Variants in MAPKAPK5 observed in about 807,000 individuals in gnomAD.
The protein encoded by MAPKAPK5 is MAPK activated protein kinase 5.
Under a neutral mutation model 65.1 loss-of-function variants are expected in MAPKAPK5, and 30 were observed. The observed-to-expected ratio is 0.46, with a 90% confidence interval of 0.34 to 0.63. MAPKAPK5 has a LOEUF of 0.63. Ranked by LOEUF, MAPKAPK5 falls within the 20% of genes least tolerant of loss-of-function variation. MAPKAPK5 has a pLI of 0.01. For synonymous variants in MAPKAPK5, 179 were observed against 204.6 expected, an observed-to-expected ratio of 0.87 and a Z score of 1.07; for missense variants, 433 against 581.4, an observed-to-expected ratio of 0.74 and a Z score of 2.63.
rs981134005 is a variant in MAPKAPK5 at position 111,901,030 on chromosome 12, G to A, written c.*7969G>A. The A allele has an allele frequency of 1.5e-5, 7 of 455,942 alleles. No homozygotes were observed. The highest frequency in any genetic ancestry group is 3.1e-5 in the Non-Finnish European group (7 of 226,808). 28.2% of individuals were successfully genotyped at this position (455,942 alleles called of 1,614,324 possible). A position where few individuals can be genotyped will look rare whatever the true frequency, so the allele number is the denominator to read the frequency against. ...CGGTGTTCAGATGGTAATATATTTTGTGGGAAACTTATATGTTCAGGTATT... is the reference window on the plus strand; with the variant it reads ...CGGTGTTCAGATGGTAATATATTTTATGGGAAACTTATATGTTCAGGTATT... On this transcript the variant is annotated 3_prime_UTR_variant, in exon 14 of 14. Coordinates refer to ENST00000550735, the MANE Select transcript of MAPKAPK5 (RefSeq NM_003668.4).
At chr12:111,873,163 A>G (rs1006890142) in intron 7 of MAPKAPK5, among the ~76,000 whole-genome samples, 2 of 152,016 alleles carry the variant, frequency 1.3e-5, no homozygotes, top group Non-Finnish European at 2.9e-5. Flanking sequence ...TAGCTTTTAC[A>G]TTTGGGTCTG....
intron 1 of MAPKAPK5, among the ~76,000 whole-genome samples, chr12:111,860,897 C>T (rs889019197): frequency 1.5e-4 from 22 of 151,394 alleles, no homozygotes; most frequent in African/African-American, 5.1e-4. Flanking sequence ...CTTGTATTCA[C>T]AGCATGAAGT....
chr12:111,850,274 G>C (rs898240198), intron 1 of MAPKAPK5, among the ~76,000 whole-genome samples: 1 of 152,148 alleles, frequency 6.6e-6, no homozygotes, highest in Non-Finnish European at 1.5e-5. Context: ...TGATCTGCCT[G>C]CATCGGCCTC....
At chr12:111,851,279 G>T (rs146490665) in intron 1 of MAPKAPK5, among the ~76,000 whole-genome samples, 38 of 152,242 alleles carry the variant, frequency 2.5e-4, no homozygotes, top group African/African-American at 8.9e-4. Flanking sequence ...CTTTGAAGTG[G>T]TCTACTTGTC....
Position 111,898,838 on chromosome 12 carries a change from C to T in MAPKAPK5, c.*5777C>T, listed in dbSNP as rs568406072. The stretch of plus-strand genomic sequence containing the variant: ...GAGATCCCCAGAGAAGCCCTGCCCC[C>T]TTCCCCCCACCCCCTGACAGAATGT... On this transcript the variant is annotated 3_prime_UTR_variant, in exon 14 of 14. Transcript: ENST00000550735. The T allele has an allele frequency of 2.6e-5, 4 of 151,716 alleles. No individual in the cohort carries two copies. Among genetic ancestry groups the T allele is most frequent in the African/African-American group, 9.7e-5 (4 of 41,350 alleles). 9.4% of individuals were successfully genotyped at this position (151,716 alleles called of 1,614,324 possible). A position where few individuals can be genotyped will look rare whatever the true frequency, so the allele number is the denominator to read the frequency against.
intron 10 of MAPKAPK5, among the ~76,000 whole-genome samples, chr12:111,886,783 A>G (rs1006154442): frequency 1.3e-5 from 2 of 152,178 alleles, no homozygotes; most frequent in African/African-American, 4.8e-5. Flanking sequence ...TTGAGAAGAG[A>G]TTTGCCACTA....
At chr12:111,870,183 G>A in intron 5 of MAPKAPK5, 88 bp from the exon 6 acceptor site, 1 of 826,712 alleles carries the variant, frequency 1.2e-6, no homozygotes, top group East Asian at 2.7e-5. Context: ...ATGAAGGCTT[G>A]TTTTTTGACA....
intron 3 of MAPKAPK5, among the ~76,000 whole-genome samples, chr12:111,866,941 C>G (rs1181461377): frequency 6.6e-6 from 1 of 151,944 alleles, no homozygotes; most frequent in Non-Finnish European, 1.5e-5. Flanking sequence ...GTTTTTGTTT[C>G]TGTTTGAAAC....
intron 1 of MAPKAPK5, among the ~76,000 whole-genome samples, chr12:111,853,965 AT>A: frequency 6.6e-6 from 1 of 152,154 alleles, no homozygotes; most frequent in Non-Finnish European, 1.5e-5. Context: ...TTATTTTCAG[AT>A]ATTAAGCCAA....
chr12:111,847,137 T>A (rs1015018105), intron 1 of MAPKAPK5, among the ~76,000 whole-genome samples: 1 of 151,304 alleles, frequency 6.6e-6, no homozygotes, highest in Non-Finnish European at 1.5e-5. Context: ...AGGTCAGGAG[T>A]TTGAGACCAG....
intron 7 of MAPKAPK5, among the ~76,000 whole-genome samples, chr12:111,876,338 T>C (rs2069969268): frequency 6.6e-6 from 1 of 152,062 alleles, no homozygotes; most frequent in African/African-American, 2.4e-5. Flanking sequence ...ACTACCTATG[T>C]GGTATTATGC....
At chr12:111,861,362 ACT>A (rs1260992880) in intron 1 of MAPKAPK5, among the ~76,000 whole-genome samples, 1 of 151,064 alleles carries the variant, frequency 6.6e-6, no homozygotes, top group East Asian at 2.0e-4. Flanking sequence ...ATGGAGTCTC[ACT>A]CTGTCACAGG....
At chr12:111,877,353 A>G (rs542652268) in intron 7 of MAPKAPK5, among the ~76,000 whole-genome samples, 2 of 152,024 alleles carry the variant, frequency 1.3e-5, no homozygotes, top group East Asian at 3.9e-4. Flanking sequence ...TGGCCTACAA[A>G]TGACTCCATT....
rs768293125 is a variant in MAPKAPK5 at position 111,867,642 on chromosome 12, TC to T, written c.259del (p.Gln87SerfsTer13). ...ATTATTGAAGTGTTTGCTAACAGTG[TC>T]CAGTTTCCCCATGAGTCCAGCCCTA... ...VQIIEVFANS[V>X]QFPHESSPRA... On this transcript the variant is annotated frameshift_variant, in exon 4 of 14. Transcript: ENST00000550735. LOFTEE classifies it high-confidence loss of function. The T allele has an allele frequency of 6.2e-7, 1 of 1,613,892 alleles. No individual in the cohort carries two copies. Among genetic ancestry groups the T allele is most frequent in the South Asian group, 1.1e-5 (1 of 91,084 alleles).
chr12:111,854,452 G>C (rs775342342), intron 1 of MAPKAPK5, among the ~76,000 whole-genome samples: 2 of 152,196 alleles, frequency 1.3e-5, no homozygotes, highest in South Asian at 4.1e-4. Flanking sequence ...ATGTTGGCCA[G>C]ATGGTCTTGA....
Position 111,896,639 on chromosome 12 carries a change from T to C in MAPKAPK5, c.*3578T>C, listed in dbSNP as rs1475418611. 1.3e-5 allele frequency: 2 copies of C among 152,220 alleles called. No homozygotes were observed. Among genetic ancestry groups the C allele is most frequent in the Non-Finnish European group, 2.9e-5 (2 of 68,034 alleles). 9.4% of individuals were successfully genotyped at this position (152,220 alleles called of 1,614,324 possible). ...CATAACACTGTAAATATAATTCTTA[T>C]AAAGCAGCAGGTTATGCTCTCCTGT... is the stretch of plus-strand genomic sequence containing the variant. On this transcript the variant is annotated 3_prime_UTR_variant, in exon 14 of 14. Coordinates refer to ENST00000550735, the MANE Select transcript of MAPKAPK5 (RefSeq NM_003668.4).
chr12:111,849,724 C>G (rs544315145), intron 1 of MAPKAPK5, among the ~76,000 whole-genome samples: 1 of 151,412 alleles, frequency 6.6e-6, no homozygotes, highest in Admixed American at 6.6e-5. Context: ...TTTTCTTTTT[C>G]TTTTATTTTG....
chr12:111,888,916 G>A lies in MAPKAPK5; in HGVS notation c.1132G>A (p.Asp378Asn), dbSNP rs770615564. Reference sequence around the variant, plus strand: ...GCCAAAGGACAGTGTCTATATCCACGACCATGAGAATGGAGCCGAGGATTC... The same window carrying A: ...GCCAAAGGACAGTGTCTATATCCACAACCATGAGAATGGAGCCGAGGATTC... ...TKPKDSVYIHDHENGAEDSNV... is the reference protein window; with the variant it reads ...TKPKDSVYIHNHENGAEDSNV... The change falls in exon 12 of 14, where the codon GAC becomes AAC. Residue 378 changes from aspartate to asparagine, a missense_variant. Physicochemically the swap from Asp to Asn is conservative, Grantham distance 23 (BLOSUM62 1). Transcript: ENST00000550735. The A allele has an allele frequency of 4.7e-5, 76 of 1,613,442 alleles. No homozygotes were observed. The Admixed American group carries it at 5.2e-4, about 11-fold the overall frequency.
intron 1 of MAPKAPK5, among the ~76,000 whole-genome samples, chr12:111,850,394 C>T (rs933750280): frequency 1.5e-4 from 23 of 152,090 alleles, no homozygotes; most frequent in Admixed American, 1.5e-3. Flanking sequence ...ATAAGAAAGG[C>T]ATAACTATAG....
Sources: allele counts gnomAD v4.1 joint callset (sites outside exome capture counted in the v4.1 genomes callset), GRCh38; gene constraint gnomAD v4.1.1; transcripts MANE v1.5; gene names NCBI Gene and HGNC (gene_info 2026-07-23, HGNC 2026-07-21).